The following ZNF670 variants were observed in gnomAD, a reference collection of about 807,000 sequenced individuals.
ZNF670 encodes zinc finger protein 670.
ZNF670 carries 7 observed loss-of-function variants against 10.9 expected under a neutral mutation model. That is an observed-to-expected ratio of 0.64 (90% CI 0.36 to 1.20). The LOEUF (loss-of-function observed/expected upper bound fraction) is 1.20, where lower values mean the gene tolerates loss of function less well. ZNF670 is among the 50% of genes most tolerant of loss of function. The pLI, the probability that ZNF670 is intolerant of heterozygous loss-of-function variation, is 0.02. For missense variants in ZNF670, 446 were observed against 458.6 expected (o/e 0.97, Z 0.25); for synonymous variants, 136 against 152.7 (o/e 0.89, Z 0.81).
chr1:247,037,505 T>C lies in ZNF670; in HGVS notation c.1114A>G (p.Lys372Glu). ...EKPYECKKCG[K>E]AFSCSSSLRK... ...AGGGAACTGGAACAACTGAAGGCTT[T>C]ACCACATTTCTTACATTCATAGGGT... Residue 372 changes from lysine to glutamate, a missense_variant, in exon 4 of 4, where the codon AAA becomes GAA. Transcript: ENST00000366503. 1 of 1,614,104 alleles carries C rather than the reference T, an allele frequency of 6.2e-7. No homozygotes were observed. The highest frequency in any genetic ancestry group is 8.5e-7 in the Non-Finnish European group (1 of 1,179,972).
chr1:247,037,828 C>G lies in ZNF670; in HGVS notation c.791G>C (p.Arg264Pro). Reference protein sequence around the residue: ...ECKECGKAFSRSTYLGIHERT... With the variant: ...ECKECGKAFSPSTYLGIHERT... ...TTCATGTATTCCCAAGTAAGTGGAACGACTGAAGGCTTTGCCACATTCCTT... is the reference window on the plus strand; with the variant it reads ...TTCATGTATTCCCAAGTAAGTGGAAGGACTGAAGGCTTTGCCACATTCCTT... The change falls in exon 4 of 4, where the codon CGT becomes CCT. Residue 264 changes from arginine (R) to proline (P), a missense_variant. Transcript: ENST00000366503. The G allele has an allele frequency of 6.2e-6, 10 of 1,612,802 alleles. No individual in the cohort carries two copies. The highest frequency in any genetic ancestry group is 8.5e-6 in the Non-Finnish European group (10 of 1,179,570).
At chr1:247,039,578 C>G (rs753763286) in intron 1 of ZNF670, 41 bp from the exon 2 acceptor site, 8 of 1,512,462 alleles carry the variant, frequency 5.3e-6, no homozygotes, top group East Asian at 2.5e-5. Context: ...ATGGCTTAGA[C>G]AGACAGTACT....
intron 1 of ZNF670, among the ~76,000 whole-genome samples, chr1:247,076,073 T>C (rs115634870): frequency 4.6e-4 from 70 of 152,250 alleles, no homozygotes; most frequent in African/African-American, 1.6e-3. Flanking sequence ...ACTAAGTGAA[T>C]AAATCTTTTC....
intron 1 of ZNF670, among the ~76,000 whole-genome samples, chr1:247,039,881 A>G (rs77475031): frequency 0.025 from 3,815 of 152,320 alleles, 64 homozygotes; most frequent in Non-Finnish European, 0.028. Context: ...TTTGTTGTGT[A>G]TAACAGTTAG....
intron 1 of ZNF670, among the ~76,000 whole-genome samples, chr1:247,062,176 C>T (rs1046297103): frequency 6.6e-5 from 10 of 152,118 alleles, no homozygotes; most frequent in Middle Eastern, 3.4e-3. Flanking sequence ...CTTTGTAATT[C>T]GCCAATTTAC....
At chr1:247,071,163 A>G (rs1035475100) in intron 1 of ZNF670, among the ~76,000 whole-genome samples, 1 of 152,208 alleles carries the variant, frequency 6.6e-6, no homozygotes. Flanking sequence ...AAAAAGACAC[A>G]TGCATGTGTA....
At chr1:247,065,910 A>G (rs979932067) in intron 1 of ZNF670, among the ~76,000 whole-genome samples, 11 of 152,196 alleles carry the variant, frequency 7.2e-5, no homozygotes, top group African/African-American at 2.4e-4. Flanking sequence ...TTTTTTTCTC[A>G]ATGCGTAATA....
In ZNF670 at chr1:247,038,855, T is replaced by C; in HGVS notation, c.146A>G (p.Asp49Gly). ...TTTGAAGTCATCTTGGATATTCTGG[T>C]CTTCTGATTTGTTTCCTAAAAGGTA... ...NLASVGNKSE[D>G]QNIQDDFKNP... is the part of the protein sequence containing the mutation. Residue 49 changes from aspartate to glycine, a missense_variant, in exon 3 of 4, where the codon GAC becomes GGC. Physicochemically the swap from Asp to Gly is moderately conservative, Grantham distance 94 (BLOSUM62 -1). Transcript: ENST00000366503. The C allele has an allele frequency of 6.2e-7, 1 of 1,612,586 alleles. No homozygotes were observed. Among genetic ancestry groups the C allele is most frequent in the Non-Finnish European group, 8.5e-7 (1 of 1,179,212 alleles).
chr1:247,078,390 C>G (rs998170163), intron 1 of ZNF670, among the ~76,000 whole-genome samples: 6 of 152,322 alleles, frequency 3.9e-5, no homozygotes, highest in Non-Finnish European at 7.4e-5. Flanking sequence ...AGAAAGGGTT[C>G]CGGGCCTGGC....
chr1:247,042,676 A>G, intron 1 of ZNF670: 1 of 295,488 alleles, frequency 3.4e-6, no homozygotes, highest in Admixed American at 4.9e-5. Context: ...TTTAGGATTA[A>G]AAGTTGACAG....
chr1:247,072,522 C>T (rs1050460797), intron 1 of ZNF670, among the ~76,000 whole-genome samples: 9 of 151,502 alleles, frequency 5.9e-5, no homozygotes, highest in African/African-American at 1.2e-4. Context: ...CAGTGGCTCA[C>T]GCCTGTAATG....
intron 1 of ZNF670, among the ~76,000 whole-genome samples, chr1:247,069,054 GA>G (rs1215017390): frequency 6.7e-6 from 1 of 148,656 alleles, no homozygotes; most frequent in East Asian, 1.9e-4. Flanking sequence ...AGCTGGAGGA[GA>G]GGTGGAGACA....
At chr1:247,070,975 T>C (rs1297140649) in intron 1 of ZNF670, among the ~76,000 whole-genome samples, 3 of 152,166 alleles carry the variant, frequency 2.0e-5, no homozygotes, top group Non-Finnish European at 4.4e-5. Flanking sequence ...ATAACAGATG[T>C]TTGCGAGGTT....
chr1:247,047,322 T>C (rs192521000), intron 1 of ZNF670, among the ~76,000 whole-genome samples: 2 of 152,288 alleles, frequency 1.3e-5, no homozygotes, highest in East Asian at 1.9e-4. Context: ...AGCAAACTTC[T>C]GCCTAGACAT....
At chr1:247,050,298 C>T (rs1206632354) in intron 1 of ZNF670, among the ~76,000 whole-genome samples, 3 of 152,062 alleles carry the variant, frequency 2.0e-5, no homozygotes, top group African/African-American at 7.2e-5. Flanking sequence ...TTGTTAATTG[C>T]TATTGCTTTA....
At chr1:247,061,991 A>C (rs1327670576) in intron 1 of ZNF670, among the ~76,000 whole-genome samples, 1 of 152,176 alleles carries the variant, frequency 6.6e-6, no homozygotes, top group Non-Finnish European at 1.5e-5. Flanking sequence ...TCATTTAACT[A>C]TTATTTCCAC....
At chr1:247,059,155 C>A (rs1230092698) in intron 1 of ZNF670, among the ~76,000 whole-genome samples, 1 of 151,910 alleles carries the variant, frequency 6.6e-6, no homozygotes, top group Non-Finnish European at 1.5e-5. Flanking sequence ...AAAATACACA[C>A]CCCAGGCTGG....
chr1:247,037,687 C>T lies in ZNF670; in HGVS notation c.932G>A (p.Cys311Tyr), dbSNP rs1480476860. The change falls in exon 4 of 4, where the codon TGT becomes TAT. Residue 311 changes from cysteine (C) to tyrosine (Y), a missense_variant. By Grantham distance (194) the Cys-to-Tyr change is radical (BLOSUM62 -2). Coordinates refer to ENST00000366503, the MANE Select transcript of ZNF670 (RefSeq NM_033213.5). Reference protein sequence around the residue: ...RTHSGEKPYECKQCGKAFKYS... With the variant: ...RTHSGEKPYEYKQCGKAFKYS... ...TTTGAAGGCTTTACCACATTGTTTA[C>T]ATTCATAGGGCTTTTCTCCACTGTG... is the stretch of plus-strand genomic sequence containing the variant. 22 of 1,614,014 alleles carry T rather than the reference C, an allele frequency of 1.4e-5. No individual in the cohort carries two copies. The highest frequency in any genetic ancestry group is 1.9e-5 in the Non-Finnish European group (22 of 1,179,976).
rs139570288 is a variant in ZNF670 at position 247,059,643 on chromosome 1, C to A, written c.3+18951G>T. Among the ~76,000 whole-genome samples, 484 of 151,730 alleles carry A rather than the reference C, an allele frequency of 3.2e-3. 2 individuals carry two copies. The highest frequency in any genetic ancestry group is 0.01 in the African/African-American group (427 of 41,394). Reference sequence around the variant, plus strand: ...ATCATATCAATAGTTGCTGAAAAACCAGAAGGTTAAGAAATAGGGCAGAGC... The same window carrying A: ...ATCATATCAATAGTTGCTGAAAAACAAGAAGGTTAAGAAATAGGGCAGAGC... On this transcript the variant is annotated intron_variant, in intron 1 of 3. Transcript: ENST00000366503.
Sources: allele counts gnomAD v4.1 joint callset (sites outside exome capture counted in the v4.1 genomes callset), GRCh38; gene constraint gnomAD v4.1.1; transcripts MANE v1.5; gene names NCBI Gene and HGNC (gene_info 2026-07-23, HGNC 2026-07-21).